The following EFNB2 variants were observed in gnomAD, a reference collection of about 807,000 sequenced individuals.
The protein encoded by EFNB2 is ephrin-B2.
A neutral mutation model predicts 32.1 loss-of-function variants in EFNB2; 5 were observed. The observed-to-expected ratio is 0.16, with a 90% CI of 0.08 to 0.33. The LOEUF is 0.33. EFNB2 is among the 10% of genes least tolerant of loss of function. EFNB2 has a pLI of 1.00. For synonymous variants in EFNB2, 168 were observed against 166.5 expected, an observed-to-expected ratio of 1.01 and a Z score of -0.07; for missense variants, 263 against 422.6, an observed-to-expected ratio of 0.62 and a Z score of 3.31.
At chr13:106,519,677 T>C (rs895710514) in intron 1 of EFNB2, 1 of 152,178 alleles carries the variant, frequency 6.6e-6, no homozygotes, top group African/African-American at 2.4e-5. Context: ...GAGACAACCA[T>C]AAACAAATGG....
intron 1 of EFNB2, among the ~76,000 whole-genome samples, chr13:106,521,953 T>G (rs547687772): frequency 1.8e-4 from 28 of 152,188 alleles, no homozygotes; most frequent in African/African-American, 6.0e-4. Flanking sequence ...CATTGTTGTC[T>G]TTTCAAAAGT....
intron 1 of EFNB2, among the ~76,000 whole-genome samples, chr13:106,528,495 C>T (rs7330328): frequency 2.4e-4 from 36 of 151,128 alleles, no homozygotes; most frequent in Non-Finnish European, 5.0e-4. Flanking sequence ...ACAACAACAA[C>T]AAAAAAACAG....
chr13:106,529,353 G>A (rs2138945281), intron 1 of EFNB2, among the ~76,000 whole-genome samples: 1 of 152,282 alleles, frequency 6.6e-6, no homozygotes, highest in Non-Finnish European at 1.5e-5. Context: ...GTTAGGCCAG[G>A]AGTTAAAAAG....
chr13:106,531,089 T>A (rs1197914951), intron 1 of EFNB2, among the ~76,000 whole-genome samples: 2 of 152,218 alleles, frequency 1.3e-5, no homozygotes, highest in Admixed American at 6.5e-5. Context: ...TGTCTTTGCG[T>A]CGGCAGAACC....
chr13:106,501,663 G>A (rs1878785148), intron 2 of EFNB2, among the ~76,000 whole-genome samples: 1 of 151,634 alleles, frequency 6.6e-6, no homozygotes, highest in South Asian at 2.1e-4. Flanking sequence ...TGTGATCTTG[G>A]CTCACCACAA....
At position 106,492,819 on chromosome 13, in the gene EFNB2, A is replaced by G; in HGVS notation, c.*221T>C. 1.7e-6 allele frequency: 1 copy of G among 573,512 alleles called. No individual in the cohort carries two copies. 35.5% of individuals were successfully genotyped at this position (573,512 alleles called of 1,614,324 possible). ...AGCAGTCCGAATGGGCGTCTTCTGCACAGTCTTCCAGCTTCCAGGGAGCGT... is the reference window on the plus strand; with the variant it reads ...AGCAGTCCGAATGGGCGTCTTCTGCGCAGTCTTCCAGCTTCCAGGGAGCGT... On this transcript the variant is annotated 3_prime_UTR_variant, in exon 5 of 5. Transcript: ENST00000646441. The surrounding 1 kb of genome is among the most constrained non-coding windows in gnomAD (Gnocchi z 5.1).
At chr13:106,528,645 G>A (rs571594852) in intron 1 of EFNB2, among the ~76,000 whole-genome samples, 1 of 152,284 alleles carries the variant, frequency 6.6e-6, no homozygotes, top group African/African-American at 2.4e-5. Flanking sequence ...ATGCCAAATA[G>A]GGGGCAATCG....
In EFNB2 at chr13:106,518,609, A is replaced by C. The variant is rs369696156; in HGVS notation, c.123-5797T>G. On this transcript the variant is annotated intron_variant, in intron 1 of 4. Transcript: ENST00000646441. This position sits in a 1 kb window ranked among gnomAD's most constrained non-coding sequence, Gnocchi z 4.1. The stretch of plus-strand genomic sequence containing the variant: ...GACCTGTATTGCATTATCGGGTCTC[A>C]CAGGGTGCCTGGGAAATGGACGGAG... 5.9e-5 allele frequency: 9 copies of C among 152,310 alleles called. No homozygotes were observed. The East Asian group carries it at 1.4e-3, about 23-fold the overall frequency. The allele number at this position is 152,310 out of a possible 1,614,324, so 9.4% of individuals were successfully genotyped here. A position where few individuals can be genotyped will look rare whatever the true frequency, so the allele number is the denominator to read the frequency against.
At chr13:106,504,222 C>A (rs1386022865) in intron 2 of EFNB2, among the ~76,000 whole-genome samples, 1 of 152,192 alleles carries the variant, frequency 6.6e-6, no homozygotes, top group Non-Finnish European at 1.5e-5. Context: ...TTTCTACTGT[C>A]ACTAATTGCA....
chr13:106,517,336 T>C (rs1879349150), intron 1 of EFNB2: 1 of 152,178 alleles, frequency 6.6e-6, no homozygotes, highest in Non-Finnish European at 1.5e-5. Flanking sequence ...GAGGCTGTTC[T>C]TGTTAAACTT....
In EFNB2 at chr13:106,493,259, C is replaced by T. The variant is rs141519659; in HGVS notation, c.783G>A (p.Pro261=). Residue 261 remains proline (P), a synonymous_variant, in exon 5 of 5, where the codon CCG becomes CCA. Transcript: ENST00000646441. This position sits in a 1 kb window ranked among gnomAD's most constrained non-coding sequence, Gnocchi z 6.1. The part of the protein sequence containing the change: ...KYRRRHRKHS[P]QHTTTLSLST... ...TGAGCGACAGCGTGGTCGTGTGCTG[C>T]GGCGAGTGCTTCCTGTGTCTCCTCC... is the stretch of plus-strand genomic sequence containing the variant. 145 of 1,614,154 alleles carry T rather than the reference C, an allele frequency of 9.0e-5. 1 individual carries two copies. Among genetic ancestry groups the T allele is most frequent in the East Asian group, 7.4e-4 (33 of 44,872 alleles).
intron 1 of EFNB2, 132 bp downstream of exon 1, chr13:106,534,711 T>C (rs1016071815): frequency 4.0e-6 from 4 of 995,416 alleles, no homozygotes; most frequent in Non-Finnish European, 5.6e-6. Context: ...GGGGCGGGGG[T>C]TGGGGGTGGG....
chr13:106,492,946 T>C lies in EFNB2; in HGVS notation c.*94A>G. 6.8e-7 allele frequency: 1 copy of C among 1,477,358 alleles called. No homozygotes were observed. The highest frequency in any genetic ancestry group is 9.1e-7 in the Non-Finnish European group (1 of 1,102,566). 91.5% of individuals were successfully genotyped at this position (1,477,358 alleles called of 1,614,324 possible). ...CCTCTCCCCCGGTGCTGTGCTTCAG[T>C]CAATTCTCCAGCACGCGGGCTCTCA... On this transcript the variant is annotated 3_prime_UTR_variant, in exon 5 of 5. Coordinates refer to ENST00000646441, the MANE Select transcript of EFNB2 (RefSeq NM_004093.4). This position sits in a 1 kb window ranked among gnomAD's most constrained non-coding sequence, Gnocchi z 5.1.
At position 106,519,366 on chromosome 13, in the gene EFNB2, T is replaced by C. The variant is rs562224144; in HGVS notation, c.123-6554A>G. 3.3e-5 allele frequency: 5 copies of C among 152,310 alleles called. No individual in the cohort carries two copies. In the East Asian group the frequency reaches 9.6e-4, roughly 29 times the overall value. The allele number at this position is 152,310 out of a possible 1,614,324, so 9.4% of individuals were successfully genotyped here. A position where few individuals can be genotyped will look rare whatever the true frequency, so the allele number is the denominator to read the frequency against. On this transcript the variant is annotated intron_variant, in intron 1 of 4. Coordinates refer to ENST00000646441, the MANE Select transcript of EFNB2 (RefSeq NM_004093.4). ...TTGAGAATCAGGGCCATGTTACTCA[T>C]GTAACAGGACAAGGTGAGTCCTGAC... is the stretch of plus-strand genomic sequence containing the variant.
At chr13:106,522,684 TA>T (rs1879564308) in intron 1 of EFNB2, among the ~76,000 whole-genome samples, 1 of 140,146 alleles carries the variant, frequency 7.1e-6, no homozygotes, top group Non-Finnish European at 1.6e-5. Context: ...CCTACCATCA[TA>T]TTTTTTTTTA....
chr13:106,492,934 G>A lies in EFNB2; in HGVS notation c.*106C>T. 1 of 1,417,006 alleles carries A rather than the reference G, an allele frequency of 7.1e-7. No homozygotes were observed. The highest frequency in any genetic ancestry group is 2.3e-5 in the East Asian group (1 of 43,402). The allele number at this position is 1,417,006 out of a possible 1,614,324, so 87.8% of individuals were successfully genotyped here. On this transcript the variant is annotated 3_prime_UTR_variant, in exon 5 of 5. Coordinates refer to ENST00000646441, the MANE Select transcript of EFNB2 (RefSeq NM_004093.4). This position sits in a 1 kb window ranked among gnomAD's most constrained non-coding sequence, Gnocchi z 5.1. Reference sequence around the variant, plus strand: ...AGGAGGAGTGTCCCTCTCCCCCGGTGCTGTGCTTCAGTCAATTCTCCAGCA... The same window carrying A: ...AGGAGGAGTGTCCCTCTCCCCCGGTACTGTGCTTCAGTCAATTCTCCAGCA...
intron 1 of EFNB2, chr13:106,519,634 G>A (rs555888701): frequency 1.3e-4 from 20 of 151,972 alleles, no homozygotes; most frequent in Non-Finnish European, 2.8e-4. Flanking sequence ...ATAATATATG[G>A]CATGTTGTTC....
At chr13:106,519,413 A>G in intron 1 of EFNB2, 1 of 152,198 alleles carries the variant, frequency 6.6e-6, no homozygotes, top group African/African-American at 2.4e-5. Context: ...TGCAAGTGTG[A>G]GCAGAATAAA....
chr13:106,493,136 A>G lies in EFNB2; in HGVS notation c.906T>C (p.Pro302=). 6.2e-7 allele frequency: 1 copy of G among 1,614,024 alleles called. No homozygotes were observed. Among genetic ancestry groups the G allele is most frequent in the Non-Finnish European group, 8.5e-7 (1 of 1,180,036 alleles). The change falls in exon 5 of 5, where the codon CCT becomes CCC. Residue 302 remains proline, a synonymous_variant. Coordinates refer to ENST00000646441, the MANE Select transcript of EFNB2 (RefSeq NM_004093.4). The surrounding 1 kb of genome is among the most constrained non-coding windows in gnomAD (Gnocchi z 6.1). ...PLRTADSVFC[P]HYEKVSGDYG... ...AGTCCCCGCTGACCTTCTCGTAGTG[A>G]GGGCAGAAGACGCTGTCCGCAGTCC...
Sources: gnomAD v4.1 joint callset for allele counts (sites outside exome capture counted in the v4.1 genomes callset) on GRCh38, gnomAD v4.1.1 for gene constraint, Gnocchi (gnomAD v3.1) non-coding constraint, MANE v1.5 for transcripts, NCBI Gene and HGNC (gene_info 2026-07-23, HGNC 2026-07-21) for gene names.